Variants in TBC1D26 observed in about 807,000 individuals in gnomAD.
TBC1D26 encodes TBC1 domain family, member 26.
A neutral mutation model predicts 42.5 loss-of-function variants in TBC1D26; 19 were observed. The observed-to-expected ratio is 0.45, with a 90% confidence interval of 0.31 to 0.66. The LOEUF is 0.66. Among genes scored for constraint, TBC1D26 ranks in the 30% least tolerant of loss-of-function variants. TBC1D26 has a pLI of 0.06. For synonymous variants in TBC1D26, 97 were observed against 123.5 expected, an observed-to-expected ratio of 0.79 and a Z score of 1.42; for missense variants, 228 against 332.6, an observed-to-expected ratio of 0.69 and a Z score of 2.45.
At position 15,735,639 on chromosome 17, in the gene TBC1D26, G is replaced by T; in HGVS notation, c.118G>T (p.Val40Phe). 1 of 782,958 alleles carries T rather than the reference G, an allele frequency of 1.3e-6. No individual in the cohort carries two copies. Among genetic ancestry groups the T allele is most frequent in the South Asian group, 1.8e-5 (1 of 56,022 alleles). 48.5% of individuals were successfully genotyped at this position (782,958 alleles called of 1,614,324 possible). A position where few individuals can be genotyped will look rare whatever the true frequency, so the allele number is the denominator to read the frequency against. ...AGCAGTGGACTTGGGGCATGAGCAG[G>T]TTGATGTCAGAAAATACACCAATAA... ...GAAVDLGHEQ[V>F]DVRKYTNNLG... Residue 40 changes from valine to phenylalanine, a missense_variant, in exon 4 of 15, where the codon GTT becomes TTT. This residue lies in a region of TBC1D26 where 5 missense variants were observed against 31.6 expected (regional missense o/e 0.16). Transcript: ENST00000437605.
At position 15,739,012 on chromosome 17, in the gene TBC1D26, G is replaced by A. The variant is rs563845123; in HGVS notation, c.497+182G>A. Among the ~76,000 whole-genome samples, 9 of 143,884 alleles carry A rather than the reference G, an allele frequency of 6.3e-5. No homozygotes were observed. In the South Asian group the frequency reaches 1.6e-3, roughly 26 times the overall value. The allele number at this position is 143,884 out of a possible 152,430, so 94.4% of individuals were successfully genotyped here. ...ATCTCCCGGCTCTAAGCTCTGGGCC[G>A]GGCTGGGACATGTAGGGCCAGAACC... On this transcript the variant is annotated intron_variant, in intron 8 of 14. Coordinates refer to ENST00000437605, the MANE Select transcript of TBC1D26 (RefSeq NM_001388465.1).
chr17:15,737,977 C>T lies in TBC1D26; in HGVS notation c.199-20C>T. The T allele has an allele frequency of 6.2e-7, 1 of 1,614,030 alleles. No individual in the cohort carries two copies. The highest frequency in any genetic ancestry group is 8.5e-7 in the Non-Finnish European group (1 of 1,179,900). ...AGACGCCTGGCAGCTCCGCTAACTC[C>T]ATCATGGCTCATTTGACAGCAAAGA... On this transcript the variant is annotated intron_variant, in intron 5 of 14. Transcript: ENST00000437605.
chr17:15,735,716 T>C, intron 4 of TBC1D26, 37 bp downstream of exon 4: 1 of 586,276 alleles, frequency 1.7e-6, no homozygotes, highest in Non-Finnish European at 3.1e-6. Flanking sequence ...GCCACCAATC[T>C]CACCTCAGGG....
chr17:15,740,626 T>C, intron 9 of TBC1D26: 1 of 1,083,962 alleles, frequency 9.2e-7, no homozygotes, highest in Non-Finnish European at 1.1e-6. Flanking sequence ...GCCCCCACTT[T>C]CCAGACCATT....
intron 8 of TBC1D26, 94 bp from the exon 9 acceptor site, chr17:15,740,006 A>G: frequency 6.6e-7 from 1 of 1,505,754 alleles, no homozygotes; most frequent in Admixed American, 2.0e-5. Context: ...ATCTGAACCC[A>G]GAATTGTGTT....
chr17:15,739,212 C>T (rs547733889), intron 8 of TBC1D26, among the ~76,000 whole-genome samples: 3 of 151,020 alleles, frequency 2.0e-5, no homozygotes, highest in South Asian at 2.1e-4. Flanking sequence ...AGAAAGGATG[C>T]GGGGCCCCGG....
intron 8 of TBC1D26, among the ~76,000 whole-genome samples, chr17:15,739,766 G>A (rs1481075893): frequency 2.6e-5 from 4 of 152,286 alleles, no homozygotes; most frequent in Non-Finnish European, 4.4e-5. Flanking sequence ...AGTGGTGGAC[G>A]GGAGGCTCTG....
At position 15,741,940 on chromosome 17, in the gene TBC1D26, A is replaced by G. The variant is rs1314248596; in HGVS notation, c.647-2A>G. 3 of 1,613,908 alleles carry G rather than the reference A, an allele frequency of 1.9e-6. No homozygotes were observed. Among genetic ancestry groups the G allele is most frequent in the Non-Finnish European group, 1.7e-6 (2 of 1,179,902 alleles). Reference sequence around the variant, plus strand: ...TGGGGTGATGGGTCGCGGGCTTCTCAGTATTCTACAGCCCAAATACTGCCT... The same window carrying G: ...TGGGGTGATGGGTCGCGGGCTTCTCGGTATTCTACAGCCCAAATACTGCCT... On this transcript the variant is annotated splice_acceptor_variant, in intron 10 of 14. Transcript: ENST00000437605. LOFTEE classifies it high-confidence loss of function.
In TBC1D26 at chr17:15,737,475, G is replaced by A. The variant is rs541598471; in HGVS notation, c.159-9G>A. ...GCAGGTCCTCAGCTCTGCCTGGGTT[G>A]CCTTACAGTGAGATGGAGCTGCCCC... On this transcript the variant is annotated splice_polypyrimidine_tract_variant and intron_variant, in intron 4 of 14. Transcript: ENST00000437605. 3.5e-5 allele frequency: 53 copies of A among 1,524,096 alleles called. 1 individual carries two copies. In the African/African-American group the frequency reaches 7.0e-4, roughly 20 times the overall value. 94.4% of individuals were successfully genotyped at this position (1,524,096 alleles called of 1,614,324 possible).
At chr17:15,740,261 G>A (rs764924590) in intron 9 of TBC1D26, 113 bp downstream of exon 9, 33 of 1,612,134 alleles carry the variant, frequency 2.0e-5, no homozygotes, top group African/African-American at 2.0e-4. Context: ...CCACCAGGAC[G>A]TAGTAGGCAG....
chr17:15,738,047 A>G lies in TBC1D26; in HGVS notation c.249A>G (p.Ala83=). The G allele has an allele frequency of 6.2e-7, 1 of 1,614,224 alleles. No individual in the cohort carries two copies. The change falls in exon 6 of 15, where the codon GCA becomes GCG. Residue 83 remains alanine (A), a synonymous_variant. Transcript: ENST00000437605. The part of the protein sequence containing the change: ...KRTNKWQKML[A]DWTKYRSTKK... ...CCAACAAGTGGCAAAAGATGCTTGC[A>G]GACTGGACAAAATATAGGAGCACCA... is the stretch of plus-strand genomic sequence containing the variant.
In TBC1D26 at chr17:15,740,082, C is replaced by G; in HGVS notation, c.498-18C>G. The G allele has an allele frequency of 2.5e-6, 4 of 1,605,824 alleles. No homozygotes were observed. The highest frequency in any genetic ancestry group is 2.6e-6 in the Non-Finnish European group (3 of 1,175,086). The stretch of plus-strand genomic sequence containing the variant: ...TGCACACACACAAAAAAAAAACCCT[C>G]TTTCCCCTCTTTTCTAGGCAGCAGG... On this transcript the variant is annotated intron_variant, in intron 8 of 14. Coordinates refer to ENST00000437605, the MANE Select transcript of TBC1D26 (RefSeq NM_001388465.1).
At chr17:15,736,341 G>C (rs977690382) in intron 4 of TBC1D26, 6 of 160,544 alleles carry the variant, frequency 3.7e-5, no homozygotes, top group Admixed American at 2.3e-4. Flanking sequence ...CTGGGGGAGG[G>C]GGGCAGGGTG....
chr17:15,740,017 C>T (rs1352170015), intron 8 of TBC1D26, 83 bp from the exon 9 acceptor site: 53 of 1,526,730 alleles, frequency 3.5e-5, no homozygotes, highest in Admixed American at 3.1e-4. Flanking sequence ...GAATTGTGTT[C>T]GTTATTTGGG....
intron 1 of TBC1D26, among the ~76,000 whole-genome samples, chr17:15,733,505 G>T (rs1303500192): frequency 6.6e-6 from 1 of 152,180 alleles, no homozygotes; most frequent in Non-Finnish European, 1.5e-5. Context: ...GCCCCGTGTG[G>T]GGAGTTCTGA....
Position 15,738,513 on chromosome 17 carries a change from G to T in TBC1D26, c.387+126G>T. ...GGGGCTGTGGTCAGACGCACATCCTGGGCATAGATGGTAACTCAGGCACCA... is the reference window on the plus strand; with the variant it reads ...GGGGCTGTGGTCAGACGCACATCCTTGGCATAGATGGTAACTCAGGCACCA... On this transcript the variant is annotated intron_variant, in intron 7 of 14. Transcript: ENST00000437605. 2.3e-6 allele frequency: 3 copies of T among 1,330,128 alleles called. No homozygotes were observed. The South Asian group carries it at 4.0e-5, about 18-fold the overall frequency. The allele number at this position is 1,330,128 out of a possible 1,614,324, so 82.4% of individuals were successfully genotyped here. A position where few individuals can be genotyped will look rare whatever the true frequency, so the allele number is the denominator to read the frequency against.
At chr17:15,738,478 G>A in intron 7 of TBC1D26, 91 bp downstream of exon 7, 2 of 1,497,780 alleles carry the variant, frequency 1.3e-6, no homozygotes, top group Non-Finnish European at 9.2e-7. Context: ...TTGAGCCTGG[G>A]TTGGGAGTGG....
At chr17:15,738,478 G>T in intron 7 of TBC1D26, 91 bp downstream of exon 7, 1 of 1,497,780 alleles carries the variant, frequency 6.7e-7, no homozygotes, top group South Asian at 1.2e-5. Context: ...TTGAGCCTGG[G>T]TTGGGAGTGG....
rs1407928094 is a variant in TBC1D26 at position 15,742,455 on chromosome 17, G to C, written c.783G>C (p.Arg261Ser). ...GLCIEGSMLT[R>S]LLRCFLDGKS... ...GCATTGAGGGTTCCATGCTGACGAG[G>C]CTCCTCCGGTGTTTCCTTGATGGGG... The change falls in exon 12 of 15, where the codon AGG (arginine) becomes AGC (serine). Residue 261 changes from arginine (R) to serine (S), a missense_variant. By Grantham distance (110) the Arg-to-Ser change is moderately radical. Transcript: ENST00000437605. The C allele has an allele frequency of 1.6e-5, 4 of 248,316 alleles. No individual in the cohort carries two copies. Among genetic ancestry groups the C allele is most frequent in the Middle Eastern group, 1.4e-3 (1 of 706 alleles). 15.4% of individuals were successfully genotyped at this position (248,316 alleles called of 1,614,324 possible). A position where few individuals can be genotyped will look rare whatever the true frequency, so the allele number is the denominator to read the frequency against.
Sources: gnomAD v4.1 joint callset for allele counts (sites outside exome capture counted in the v4.1 genomes callset) on GRCh38, gnomAD v4.1.1 for gene constraint, gnomAD v4.1.1 regional missense constraint, MANE v1.5 for transcripts, NCBI Gene and HGNC (gene_info 2026-07-23, HGNC 2026-07-21) for gene names.